Variants in DRICH1 observed in about 807,000 individuals in gnomAD.
DRICH1 encodes the protein aspartate rich 1, also known as aspartate-rich protein 1.
DRICH1 carries 38 observed loss-of-function variants against 39.5 expected under a neutral mutation model. That is an observed-to-expected ratio of 0.96 (90% CI 0.74 to 1.26). The LOEUF (loss-of-function observed/expected upper bound fraction) is 1.26. Ranked by LOEUF, DRICH1 falls within the 50% of genes most tolerant of loss-of-function variation. The pLI is 0.00. For synonymous variants in DRICH1, 84 were observed against 99.5 expected, an observed-to-expected ratio of 0.84 and a Z score of 0.93; for missense variants, 279 against 270.4, an observed-to-expected ratio of 1.03 and a Z score of -0.22.
chr22:23,582,575 T>TATTATTA, the DRICH1 span, among the ~76,000 whole-genome samples: 41 of 150,640 alleles, frequency 2.7e-4, no homozygotes, highest in South Asian at 3.2e-3. Flanking sequence ...TTATTATTAT[T>TATTATTA]ATTATTTTGA....
At chr22:23,587,688 GC>G in the DRICH1 span, among the ~76,000 whole-genome samples, 1 of 152,196 alleles carries the variant, frequency 6.6e-6, no homozygotes, top group Non-Finnish European at 1.5e-5. Flanking sequence ...CCTGGAAGGT[GC>G]CCCAGGAACC....
chr22:23,614,119 AAAAGGGAGGTCTTACG>A lies in DRICH1; in HGVS notation c.621_621+15del, dbSNP rs1359265606. The A allele has an allele frequency of 2.5e-6, 4 of 1,576,286 alleles. No individual in the cohort carries two copies. The African/African-American group carries it at 5.4e-5, about 21-fold the overall frequency. On this transcript the variant is annotated splice_donor_variant and splice_donor_5th_base_variant and coding_sequence_variant and intron_variant, in exon 9 of 12. Transcript: ENST00000317749. LOFTEE classifies it high-confidence loss of function. ...AAGCAACATTGCTGTAGAAGACAAA[AAAAGGGAGGTCTTACG>A]TGGATGTCATCATCATCTTCTTCTT...
At chr22:23,614,100 C>T (rs763841277) in intron 9 of DRICH1, 35 bp downstream of exon 9, 7 of 1,384,472 alleles carry the variant, frequency 5.1e-6, no homozygotes, top group African/African-American at 2.9e-5. Flanking sequence ...AGGAAAGCAA[C>T]ATTGCTGTAG....
intron 1 of DRICH1, among the ~76,000 whole-genome samples, chr22:23,629,387 C>T (rs1233670304): frequency 6.6e-6 from 1 of 152,164 alleles, no homozygotes; most frequent in African/African-American, 2.4e-5. Context: ...GAGTCAGTGG[C>T]TGCTCATGCT....
At chr22:23,594,517 C>T in the DRICH1 span, among the ~76,000 whole-genome samples, 3 of 152,194 alleles carry the variant, frequency 2.0e-5, no homozygotes, top group African/African-American at 7.2e-5. Flanking sequence ...TAGCAGTAAG[C>T]CAAGATCGCA....
chr22:23,608,118 G>T, downstream of DRICH1: 1 of 153,492 alleles, frequency 6.5e-6, no homozygotes. Flanking sequence ...GGCCCCCCCA[G>T]GCTGTTAGAA....
chr22:23,621,227 C>A (rs1438661317), intron 4 of DRICH1, among the ~76,000 whole-genome samples: 8 of 152,026 alleles, frequency 5.3e-5, no homozygotes, highest in Non-Finnish European at 8.8e-5. Context: ...CTCCTCCCCA[C>A]TTAATTGCCC....
At chr22:23,598,334 C>CA in the DRICH1 span, among the ~76,000 whole-genome samples, 1 of 148,044 alleles carries the variant, frequency 6.8e-6, no homozygotes. Flanking sequence ...GAGAGAACAG[C>CA]AATGGCTGGG....
rs2123803801 is a variant in DRICH1, at chr22:23,631,812, T to C, written c.208+4A>G. The stretch of plus-strand genomic sequence containing the variant: ...AGGGTAAACGGCACCCGTGGCTTTT[T>C]TACCTGTGGGCATCTTTTGGTTGCT... On this transcript the variant is annotated splice_donor_region_variant and intron_variant, in intron 1 of 11. Transcript: ENST00000317749. 1 of 1,611,968 alleles carries C rather than the reference T, an allele frequency of 6.2e-7. No homozygotes were observed. Among genetic ancestry groups the C allele is most frequent in the East Asian group, 2.2e-5 (1 of 44,874 alleles).
At chr22:23,600,031 G>GGT in the DRICH1 span, among the ~76,000 whole-genome samples, 1 of 152,002 alleles carries the variant, frequency 6.6e-6, no homozygotes, top group African/African-American at 2.4e-5. Flanking sequence ...TGGAAGGATG[G>GGT]GTGTGTGTGT....
chr22:23,610,111 G>T (rs1247670204), intron 11 of DRICH1, among the ~76,000 whole-genome samples: 1 of 152,042 alleles, frequency 6.6e-6, no homozygotes, highest in Non-Finnish European at 1.5e-5. Context: ...CACACCACCA[G>T]ATTGCTCTTG....
Position 23,625,988 on chromosome 22 carries a change from T to A in DRICH1, c.269A>T (p.Asp90Val). 6.2e-7 allele frequency: 1 copy of A among 1,610,798 alleles called. No individual in the cohort carries two copies. The highest frequency in any genetic ancestry group is 8.5e-7 in the Non-Finnish European group (1 of 1,178,906). ...AAAGAAAGGGGGTCTTACCTTGGCA[T>A]CATCATTGTCTTCCTCACTTGATGG... ...FLPSSEEDNDDAKILPSPVQG... is the reference protein window; with the variant it reads ...FLPSSEEDNDVAKILPSPVQG... The change falls in exon 2 of 12, where the codon GAT (aspartate) becomes GTT (valine). Residue 90 changes from aspartate to valine, a missense_variant. Coordinates refer to ENST00000317749, the MANE Select transcript of DRICH1 (RefSeq NM_016449.4).
downstream of DRICH1, among the ~76,000 whole-genome samples, chr22:23,607,553 TGCCTTCCCTAAGTCC>T (rs1225556968): frequency 6.6e-6 from 1 of 151,696 alleles, no homozygotes; most frequent in Non-Finnish European, 1.5e-5. Flanking sequence ...GGGGGCCTCT[TGCCTTCCCTAAGTCC>T]AGGTTTCTCT....
At chr22:23,601,672 T>C in the DRICH1 span, among the ~76,000 whole-genome samples, 1 of 152,336 alleles carries the variant, frequency 6.6e-6, no homozygotes, top group South Asian at 2.1e-4. Flanking sequence ...GATCCGTTAC[T>C]GTAGCTGCAA....
downstream of DRICH1, among the ~76,000 whole-genome samples, chr22:23,604,540 C>A (rs1380977636): frequency 6.6e-6 from 1 of 152,124 alleles, no homozygotes; most frequent in Non-Finnish European, 1.5e-5. Flanking sequence ...GCCTAGAAGT[C>A]CCTGCAGGAC....
chr22:23,613,320 C>T lies in DRICH1; in HGVS notation c.654G>A (p.Leu218=). The T allele has an allele frequency of 1.2e-6, 2 of 1,613,376 alleles. No individual in the cohort carries two copies. The highest frequency in any genetic ancestry group is 1.7e-5 in the Admixed American group (1 of 60,016). ...GAATCTCTTCATCACTTAGACTCTCCAGCGTCAAGTCTTTAGAAACAAAAA... is the reference window on the plus strand; with the variant it reads ...GAATCTCTTCATCACTTAGACTCTCTAGCGTCAAGTCTTTAGAAACAAAAA... ...ITARIESDLT[L]ESLSDEEIHP... is the part of the protein sequence containing the mutation. The change falls in exon 11 of 12, where the codon CTG becomes CTA. Residue 218 remains leucine (L), a synonymous_variant. Transcript: ENST00000317749.
rs759879873 is a variant in DRICH1 at position 23,619,355 on chromosome 22, C to A, written c.436+9G>T. The A allele has an allele frequency of 2.6e-6, 2 of 780,628 alleles. No homozygotes were observed. The highest frequency in any genetic ancestry group is 2.4e-6 in the Non-Finnish European group (1 of 417,964). The allele number at this position is 780,628 out of a possible 1,614,324, so 48.4% of individuals were successfully genotyped here. ...CACACAATACTACACACATGATCTA[C>A]AGACTCACAAGAACTGCTATCAAAC... On this transcript the variant is annotated intron_variant, in intron 6 of 11. Transcript: ENST00000317749.
intron 7 of DRICH1, 109 bp from the exon 8 acceptor site, chr22:23,616,983 T>A: frequency 7.5e-7 from 1 of 1,335,790 alleles, no homozygotes; most frequent in Non-Finnish European, 1.1e-6. Context: ...TGTAAGACAG[T>A]GGTAAGTCAA....
At chr22:23,605,334 C>T (rs1926668340), downstream of DRICH1, among the ~76,000 whole-genome samples, 1 of 152,160 alleles carries the variant, frequency 6.6e-6, no homozygotes, top group African/African-American at 2.4e-5. Context: ...CCCTCAGAGG[C>T]ACCAGCACCG....
Sources: gnomAD v4.1 joint callset for allele counts (sites outside exome capture counted in the v4.1 genomes callset) on GRCh38, gnomAD v4.1.1 for gene constraint, MANE v1.5 for transcripts, NCBI Gene and HGNC (gene_info 2026-07-23, HGNC 2026-07-21) for gene names.